GRAMD1B: variants seen among roughly 807,000 people sequenced by gnomAD.
GRAMD1B encodes protein Aster-B.
Under a neutral mutation model 99.7 loss-of-function variants are expected in GRAMD1B, and 37 were observed. The observed-to-expected ratio is 0.37, with a 90% confidence interval of 0.29 to 0.49. The LOEUF (loss-of-function observed/expected upper bound fraction) is 0.49. Ranked by LOEUF, GRAMD1B falls within the 20% of genes least tolerant of loss-of-function variation. The pLI, the probability that GRAMD1B is intolerant of heterozygous loss-of-function variation, is 0.98. For synonymous variants in GRAMD1B, 427 were observed against 387.6 expected, an observed-to-expected ratio of 1.10 and a Z score of -1.19; for missense variants, 888 against 1,009.2, an observed-to-expected ratio of 0.88 and a Z score of 1.63.
At chr11:123,476,263 G>A (rs1408324738) in intron 1 of GRAMD1B, among the ~76,000 whole-genome samples, 1 of 152,110 alleles carries the variant, frequency 6.6e-6, no homozygotes, top group East Asian at 1.9e-4. Context: ...ATCACACCTG[G>A]CTAATTTTTG....
chr11:123,497,008 T>G (rs1244870990), intron 2 of GRAMD1B, among the ~76,000 whole-genome samples: 1 of 152,196 alleles, frequency 6.6e-6, no homozygotes, highest in East Asian at 1.9e-4. Context: ...GTGGTGTTGA[T>G]GCTTGTAGAT....
intron 1 of GRAMD1B, among the ~76,000 whole-genome samples, chr11:123,382,126 TG>T (rs1011633595): frequency 6.6e-6 from 1 of 152,114 alleles, no homozygotes; most frequent in Non-Finnish European, 1.5e-5. Flanking sequence ...TTCTGGGGAT[TG>T]GGGGGAAGGG....
Position 123,622,707 on chromosome 11 carries a change from T to C in GRAMD1B, c.*112T>C, listed in dbSNP as rs1955279812. On this transcript the variant is annotated 3_prime_UTR_variant, in exon 20 of 20. Transcript: ENST00000635736. Reference sequence around the variant, plus strand: ...ACAGAATATAAATATATATATTATATACAGATTTTAAAAAAGAGATAATGC... The same window carrying C: ...ACAGAATATAAATATATATATTATACACAGATTTTAAAAAAGAGATAATGC... 1 of 256,016 alleles carries C rather than the reference T, an allele frequency of 3.9e-6. No individual in the cohort carries two copies. Among genetic ancestry groups the C allele is most frequent in the South Asian group, 1.3e-4 (1 of 7,946 alleles). The allele number at this position is 256,016 out of a possible 1,614,324, so 15.9% of individuals were successfully genotyped here.
At chr11:123,548,012 G>A (rs1283570564) in intron 2 of GRAMD1B, among the ~76,000 whole-genome samples, 2 of 151,896 alleles carry the variant, frequency 1.3e-5, no homozygotes, top group African/African-American at 2.4e-5. Context: ...CCTACCTCAG[G>A]CAGGCTCCGG....
At chr11:123,463,549 G>T (rs1283267830) in intron 1 of GRAMD1B, among the ~76,000 whole-genome samples, 1 of 152,216 alleles carries the variant, frequency 6.6e-6, no homozygotes, top group Non-Finnish European at 1.5e-5. Context: ...TAGCCAACAG[G>T]TTCTCTCCAC....
chr11:123,607,394 A>G (rs1952884464), intron 11 of GRAMD1B, among the ~76,000 whole-genome samples: 1 of 152,234 alleles, frequency 6.6e-6, no homozygotes. Context: ...AATTCTCAGC[A>G]TTCATGAAAT....
At chr11:123,457,086 T>A (rs941473650) in intron 1 of GRAMD1B, among the ~76,000 whole-genome samples, 1 of 65,328 alleles carries the variant, frequency 1.5e-5, no homozygotes, top group Non-Finnish European at 3.3e-5. Context: ...CACTCTAACC[T>A]GGGTGACAGA....
At chr11:123,423,247 C>T (rs1235282044) in intron 1 of GRAMD1B, among the ~76,000 whole-genome samples, 1 of 149,918 alleles carries the variant, frequency 6.7e-6, no homozygotes, top group East Asian at 1.9e-4. Flanking sequence ...ATAAGACACA[C>T]ACACACACAC....
chr11:123,619,581 C>G, intron 19 of GRAMD1B: 1 of 1,137,884 alleles, frequency 8.8e-7, no homozygotes, highest in South Asian at 1.7e-5. Flanking sequence ...TTTGTCTTCC[C>G]AGAGGGCATG....
chr11:123,427,170 G>A (rs557628396), upstream of GRAMD1B, among the ~76,000 whole-genome samples: 1 of 152,212 alleles, frequency 6.6e-6, no homozygotes, highest in Non-Finnish European at 1.5e-5. Context: ...AAGTGCAATC[G>A]CTGAGATTCT....
chr11:123,387,890 G>T (rs1265427129), intron 1 of GRAMD1B, among the ~76,000 whole-genome samples: 1 of 152,088 alleles, frequency 6.6e-6, no homozygotes, highest in Non-Finnish European at 1.5e-5. Flanking sequence ...TTGGGAGGCC[G>T]AGGCAGGTGG....
chr11:123,539,256 G>C (rs1292043653), intron 2 of GRAMD1B, among the ~76,000 whole-genome samples: 2 of 151,816 alleles, frequency 1.3e-5, no homozygotes, highest in Non-Finnish European at 2.9e-5. Flanking sequence ...AAACAATTGG[G>C]TCCAATTTTC....
At position 123,510,950 on chromosome 11, in the gene GRAMD1B, T is replaced by TG. The variant is rs888675742; in HGVS notation, c.452+30063dup. Among the ~76,000 whole-genome samples, 27 of 151,978 alleles carry TG rather than the reference T, an allele frequency of 1.8e-4. No homozygotes were observed. Among genetic ancestry groups the TG allele is most frequent in the Non-Finnish European group, 3.1e-4 (21 of 67,986 alleles). On this transcript the variant is annotated intron_variant, in intron 2 of 19. Transcript: ENST00000635736. This position sits in a 1 kb window ranked among gnomAD's most constrained non-coding sequence, Gnocchi z 4.3. ...GAGTGGGTGGATGAGGGGTGCAGGG[T>TG]GGGGGGTGGAGGTATCTGTAGCTTT...
chr11:123,417,624 G>A (rs904596121), intron 1 of GRAMD1B, among the ~76,000 whole-genome samples: 1 of 152,026 alleles, frequency 6.6e-6, no homozygotes, highest in Non-Finnish European at 1.5e-5. Flanking sequence ...CCCAAAATAT[G>A]CACACCTATC....
At chr11:123,572,243 C>T (rs1592066334) in intron 2 of GRAMD1B, among the ~76,000 whole-genome samples, 1 of 152,226 alleles carries the variant, frequency 6.6e-6, no homozygotes, top group Non-Finnish European at 1.5e-5. Flanking sequence ...CATAGCCCAT[C>T]TAACACCAGT....
intron 10 of GRAMD1B, 113 bp from the exon 11 acceptor site, chr11:123,606,496 G>C: frequency 2.2e-6 from 2 of 928,808 alleles, no homozygotes; most frequent in Non-Finnish European, 3.2e-6. Flanking sequence ...CTTCGCTCCT[G>C]AGCAGCTGAG....
intron 2 of GRAMD1B, among the ~76,000 whole-genome samples, chr11:123,539,299 C>T (rs1195389040): frequency 1.3e-5 from 2 of 152,076 alleles, no homozygotes; most frequent in Non-Finnish European, 2.9e-5. Context: ...ATTACCAACG[C>T]TTCTTCAACA....
intron 1 of GRAMD1B, among the ~76,000 whole-genome samples, chr11:123,467,710 A>G (rs1950760801): frequency 6.6e-6 from 1 of 152,124 alleles, no homozygotes; most frequent in African/African-American, 2.4e-5. Context: ...TGGATGGATG[A>G]ATGACATATC....
intron 2 of GRAMD1B, among the ~76,000 whole-genome samples, chr11:123,501,339 T>G (rs1227938425): frequency 6.6e-6 from 1 of 151,980 alleles, no homozygotes; most frequent in Non-Finnish European, 1.5e-5. Flanking sequence ...CCACGCTAAT[T>G]TTTTAATTTT....
Sources: gnomAD v4.1 joint callset for allele counts (sites outside exome capture counted in the v4.1 genomes callset) on GRCh38, gnomAD v4.1.1 for gene constraint, Gnocchi (gnomAD v3.1) non-coding constraint, MANE v1.5 for transcripts, NCBI Gene and HGNC (gene_info 2026-07-23, HGNC 2026-07-21) for gene names.